EDEM3: variants seen among roughly 807,000 people sequenced by gnomAD.
EDEM3 encodes ER degradation-enhancing alpha-mannosidase-like protein 3.
A neutral mutation model predicts 110.2 loss-of-function variants in EDEM3; 60 were observed. The observed-to-expected ratio is 0.54, with a 90% CI of 0.44 to 0.67. EDEM3 has a LOEUF of 0.67. Ranked by LOEUF, EDEM3 falls within the 30% of genes least tolerant of loss-of-function variation. The pLI, the probability that EDEM3 is intolerant of heterozygous loss-of-function variation, is 0.00. For missense variants in EDEM3, 996 were observed against 1,121.0 expected, an observed-to-expected ratio of 0.89 and a Z score of 1.59; for synonymous variants, 352 against 382.9, an observed-to-expected ratio of 0.92 and a Z score of 0.94.
At chr1:184,727,551 T>A (rs902122469) in intron 6 of EDEM3, among the ~76,000 whole-genome samples, 3 of 152,212 alleles carry the variant, frequency 2.0e-5, no homozygotes, top group Non-Finnish European at 2.9e-5. Flanking sequence ...TTGCTAGGTA[T>A]ACCTAGTGCC....
intron 2 of EDEM3, among the ~76,000 whole-genome samples, chr1:184,740,664 G>C (rs1359606019): frequency 1.3e-5 from 2 of 152,172 alleles, no homozygotes; most frequent in Non-Finnish European, 2.9e-5. Flanking sequence ...ACAAACATGA[G>C]AGTCTGGCAA....
At chr1:184,711,680 G>A (rs1455945728) in intron 15 of EDEM3, 43 bp downstream of exon 15, 1 of 1,512,030 alleles carries the variant, frequency 6.6e-7, no homozygotes, top group South Asian at 1.4e-5. Flanking sequence ...CATTTACTAA[G>A]AAACAACTTT....
At chr1:184,709,735 G>A (rs1650124298) in intron 16 of EDEM3, among the ~76,000 whole-genome samples, 1 of 152,182 alleles carries the variant, frequency 6.6e-6, no homozygotes, top group South Asian at 2.1e-4. Context: ...CAAGAATATG[G>A]ATGAGATGAA....
chr1:184,753,356 G>A (rs1226961525), intron 1 of EDEM3, among the ~76,000 whole-genome samples: 2 of 149,644 alleles, frequency 1.3e-5, no homozygotes, highest in Non-Finnish European at 3.0e-5. Context: ...TAATATGAAC[G>A]TACCCTATTG....
chr1:184,694,975 T>C (rs929200359), intron 19 of EDEM3, among the ~76,000 whole-genome samples: 1 of 152,062 alleles, frequency 6.6e-6, no homozygotes, highest in African/African-American at 2.4e-5. Context: ...TTTTTTTGAA[T>C]GACTAAGGGT....
chr1:184,698,918 G>T (rs1192635040), intron 19 of EDEM3, among the ~76,000 whole-genome samples: 1 of 151,836 alleles, frequency 6.6e-6, no homozygotes, highest in Non-Finnish European at 1.5e-5. Flanking sequence ...AAAAATGGCA[G>T]TTAGAGAACT....
chr1:184,719,307 T>C (rs1650741471), intron 10 of EDEM3, 62 bp from the exon 11 acceptor site: 4 of 1,509,198 alleles, frequency 2.7e-6, no homozygotes, highest in Admixed American at 4.6e-5. Flanking sequence ...CTCTAATCAT[T>C]ACATAAACAG....
At chr1:184,703,982 G>A (rs1001855180) in intron 18 of EDEM3, among the ~76,000 whole-genome samples, 3 of 152,180 alleles carry the variant, frequency 2.0e-5, no homozygotes, top group Admixed American at 6.5e-5. Flanking sequence ...GAATTGCAAA[G>A]AGAAGCAGGG....
chr1:184,754,368 G>A (rs973078325), intron 1 of EDEM3, 121 bp downstream of exon 1: 5 of 1,466,118 alleles, frequency 3.4e-6, no homozygotes, highest in Non-Finnish European at 4.6e-6. Flanking sequence ...GGGTTCTCGC[G>A]CGGGAAGAGC....
rs1234128082 is a variant in EDEM3 at position 184,706,804 on chromosome 1, C to T, written c.2042G>A (p.Arg681Lys). The change falls in exon 18 of 20, where the codon AGA becomes AAA. Residue 681 changes from arginine to lysine, a missense_variant. Arg to Lys is a conservative substitution (Grantham distance 26). Transcript: ENST00000318130. Reference sequence around the variant, plus strand: ...TGGTTTACTGCTTGCAACAAATCCTCTTGTCTGTCAGAAATAAAAGCAACT... The same window carrying T: ...TGGTTTACTGCTTGCAACAAATCCTTTTGTCTGTCAGAAATAAAAGCAACT... ...GLDLSKHKET[R>K]GFVASSKPSN... 1 of 1,612,950 alleles carries T rather than the reference C, an allele frequency of 6.2e-7. No individual in the cohort carries two copies. Among genetic ancestry groups the T allele is most frequent in the Non-Finnish European group, 8.5e-7 (1 of 1,179,510 alleles).
Position 184,708,330 on chromosome 1 carries a change from G to A in EDEM3, c.1860C>T (p.Ile620=), listed in dbSNP as rs3736757. The A allele has an allele frequency of 0.51, 817,382 of 1,608,790 alleles. 213,410 individuals carry two copies. The highest frequency in any genetic ancestry group is 0.81 in the African/African-American group (60,260 of 74,518). ...TGAACCTCAACCCATCTTCAGCGTC[G>A]ATTGAACTAGCAGCCTATGAAAAAA... ...VQHAIQAASS[I]DAEDGLRFMQ... Residue 620 remains isoleucine (I), a synonymous_variant, in exon 17 of 20, where the codon ATC becomes ATT. Transcript: ENST00000318130.
At position 184,711,631 on chromosome 1, in the gene EDEM3, T is replaced by C. The variant is rs1036842338; in HGVS notation, c.1691+92A>G. The C allele has an allele frequency of 1.8e-5, 22 of 1,194,796 alleles. No individual in the cohort carries two copies. The South Asian group carries it at 4.5e-4, about 25-fold the overall frequency. The allele number at this position is 1,194,796 out of a possible 1,614,324, so 74.0% of individuals were successfully genotyped here. On this transcript the variant is annotated intron_variant, in intron 15 of 19. Coordinates refer to ENST00000318130, the MANE Select transcript of EDEM3 (RefSeq NM_025191.4). ...TCAACATTTTCGGCCTATGTGAATG[T>C]CTTCTTGGCTGTTGATACATGCTCC...
At chr1:184,743,482 A>C in intron 2 of EDEM3, among the ~76,000 whole-genome samples, 2 of 152,138 alleles carry the variant, frequency 1.3e-5, no homozygotes, top group Middle Eastern at 3.2e-3. Context: ...GCAAAAATAA[A>C]ATAAAATAAA....
intron 18 of EDEM3, 116 bp from the exon 19 acceptor site, chr1:184,703,112 TA>T: frequency 1.2e-6 from 1 of 841,680 alleles, no homozygotes; most frequent in Non-Finnish European, 1.7e-6. Context: ...TCAAGAACCA[TA>T]AAAACCAACA....
chr1:184,704,142 C>T (rs1296396159), intron 18 of EDEM3, among the ~76,000 whole-genome samples: 1 of 152,076 alleles, frequency 6.6e-6, no homozygotes, highest in Non-Finnish European at 1.5e-5. Context: ...TAAAAATAAT[C>T]CATTTCTGTG....
Position 184,734,579 on chromosome 1 carries a change from T to C in EDEM3, c.410A>G (p.Asp137Gly), listed in dbSNP as rs1168145724. The C allele has an allele frequency of 1.3e-6, 2 of 1,558,682 alleles. No homozygotes were observed. The highest frequency in any genetic ancestry group is 8.7e-7 in the Non-Finnish European group (1 of 1,150,488). Residue 137 changes from aspartate (D) to glycine (G), a missense_variant, in exon 5 of 20, where the codon GAT (aspartate) becomes GGT (glycine). Asp to Gly is a moderately conservative substitution (Grantham distance 94). Around this residue, in one of 5 missense-constraint regions of EDEM3, gnomAD observed 200 missense variants for 183.8 expected, o/e 1.09. Coordinates refer to ENST00000318130, the MANE Select transcript of EDEM3 (RefSeq NM_025191.4). ...AAAGACTGATACGACTACATCGTTA[T>C]CTAAATTAACATCTCTTAAAACTTT... ...VRKVLRDVNLDNDVVVSVFET... is the reference protein window; with the variant it reads ...VRKVLRDVNLGNDVVVSVFET...
Position 184,694,040 on chromosome 1 carries a change from C to T in EDEM3, c.*23G>A. The T allele has an allele frequency of 6.3e-7, 1 of 1,598,158 alleles. No individual in the cohort carries two copies. The highest frequency in any genetic ancestry group is 8.5e-7 in the Non-Finnish European group (1 of 1,172,204). The stretch of plus-strand genomic sequence containing the variant: ...CAGTTTACCTTTTCTTTTTAAATAC[C>T]TACCAACAGATTGTTTAGCAAGTCA... On this transcript the variant is annotated 3_prime_UTR_variant, in exon 20 of 20. Transcript: ENST00000318130.
chr1:184,754,596 C>A lies in EDEM3; in HGVS notation c.51G>T (p.Ala17=). 6.2e-7 allele frequency: 1 copy of A among 1,610,714 alleles called. No individual in the cohort carries two copies. Among genetic ancestry groups the A allele is most frequent in the Non-Finnish European group, 8.5e-7 (1 of 1,178,832 alleles). Reference sequence around the variant, plus strand: ...CCGTCGCCGCCACTAGTCTCCATCGCGCTCGCTGGGGAACCGGGGACCCAC... The same window carrying A: ...CCGTCGCCGCCACTAGTCTCCATCGAGCTCGCTGGGGAACCGGGGACCCAC... ...RGCGSPVPQR[A]RWRLVAATAA... The change falls in exon 1 of 20, where the codon GCG becomes GCT. Residue 17 remains alanine (A), a synonymous_variant. Coordinates refer to ENST00000318130, the MANE Select transcript of EDEM3 (RefSeq NM_025191.4).
In EDEM3 at chr1:184,698,608, T is replaced by C. The variant is rs142917593; in HGVS notation, c.2390-4136A>G. Among the ~76,000 whole-genome samples the C allele has an allele frequency of 1.3e-3, 202 of 152,050 alleles. 1 individual carries two copies. The highest frequency in any genetic ancestry group is 3.5e-3 in the Admixed American group (54 of 15,228). ...TCAAACTGCTAACATTGGTTGGTTATCTCAGAAAGATGAGAGATTATTTAA... is the reference window on the plus strand; with the variant it reads ...TCAAACTGCTAACATTGGTTGGTTACCTCAGAAAGATGAGAGATTATTTAA... On this transcript the variant is annotated intron_variant, in intron 19 of 19. Transcript: ENST00000318130.
Sources: gnomAD v4.1 joint callset for allele counts (sites outside exome capture counted in the v4.1 genomes callset) on GRCh38, gnomAD v4.1.1 for gene constraint, gnomAD v4.1.1 regional missense constraint, MANE v1.5 for transcripts, NCBI Gene and HGNC (gene_info 2026-07-23, HGNC 2026-07-21) for gene names.